Variants in NEBL observed in about 807,000 individuals in gnomAD.
NEBL encodes the protein LIM and SH3 protein 2.
In NEBL, 122 loss-of-function variants were observed where a neutral mutation model predicts 140.2. The ratio of observed to expected loss-of-function variants is 0.87; its 90% confidence interval spans 0.75 to 1.01. The LOEUF is 1.01. Among genes scored for constraint, NEBL ranks in the 50% least tolerant of loss-of-function variants. NEBL has a pLI of 0.00. For synonymous variants in NEBL, 436 were observed against 398.9 expected (o/e 1.09, Z -1.11); for missense variants, 1,365 against 1,231.3 (o/e 1.11, Z -1.62).
At chr10:20,880,163 C>T (rs788953) in intron 5 of NEBL, among the ~76,000 whole-genome samples, 33,597 of 152,020 alleles carry the variant, frequency 0.22, 4,137 homozygotes, top group East Asian at 0.41. Context: ...GAGCTCAAGA[C>T]CAGCCTGGCC....
At chr10:20,973,540 G>T (rs78106113) in intron 3 of NEBL, among the ~76,000 whole-genome samples, 1 of 152,188 alleles carries the variant, frequency 6.6e-6, no homozygotes, top group East Asian at 1.9e-4. Flanking sequence ...ATAAGCCATC[G>T]CTCCCAGACT....
intron 2 of NEBL, among the ~76,000 whole-genome samples, chr10:21,105,963 C>G (rs945439247): frequency 1.3e-5 from 2 of 152,054 alleles, no homozygotes; most frequent in African/African-American, 4.8e-5. Context: ...TTTCATGTGT[C>G]TGTTGGCTGC....
intron 7 of NEBL, among the ~76,000 whole-genome samples, chr10:20,866,556 T>C (rs1844313112): frequency 6.6e-6 from 1 of 152,202 alleles, no homozygotes; most frequent in Non-Finnish European, 1.5e-5. Context: ...AACTATATCC[T>C]CTTGCCCAGA....
chr10:21,281,247 G>T (rs1842988371), intron 1 of NEBL, among the ~76,000 whole-genome samples: 1 of 152,174 alleles, frequency 6.6e-6, no homozygotes, highest in Non-Finnish European at 1.5e-5. Flanking sequence ...TCTAATTAGT[G>T]TAAATATAGT....
intron 1 of NEBL, among the ~76,000 whole-genome samples, chr10:21,252,484 G>A (rs1000259182): frequency 1.3e-5 from 2 of 152,178 alleles, no homozygotes; most frequent in Non-Finnish European, 2.9e-5. Flanking sequence ...AGGTGAATTA[G>A]TTTTGGATCT....
intron 3 of NEBL, among the ~76,000 whole-genome samples, chr10:21,212,548 G>C (rs543412163): frequency 2.6e-5 from 4 of 152,204 alleles, no homozygotes; most frequent in African/African-American, 7.2e-5. Flanking sequence ...CCCATTTTCT[G>C]TTAAGGAAGT....
At chr10:20,814,389 G>T (rs1431384430) in intron 22 of NEBL, among the ~76,000 whole-genome samples, 2 of 151,652 alleles carry the variant, frequency 1.3e-5, no homozygotes, top group African/African-American at 4.9e-5. Context: ...TGAGGCCTGG[G>T]ATTTGAGACT....
chr10:21,214,464 G>A (rs957803521), intron 3 of NEBL, among the ~76,000 whole-genome samples: 1 of 151,012 alleles, frequency 6.6e-6, no homozygotes, highest in Non-Finnish European at 1.5e-5. Flanking sequence ...GCACACACAT[G>A]GCACACACAT....
chr10:20,818,887 C>A, intron 20 of NEBL: 5 of 986,594 alleles, frequency 5.1e-6, no homozygotes, highest in Non-Finnish European at 4.8e-6. Context: ...GGGTGTAAAA[C>A]TTTTCCTTTT....
exon 1 of NEBL, chr10:21,174,156 G>A (rs925499616): frequency 9.0e-5 from 47 of 520,992 alleles, no homozygotes; most frequent in Non-Finnish European, 8.8e-5. Flanking sequence ...GCGCTCACTC[G>A]CTCCCCCGCC....
In NEBL at chr10:21,214,751, G is replaced by T. The variant is rs571129366; in HGVS notation, n.348+33170C>A. Among the ~76,000 whole-genome samples the T allele has an allele frequency of 4.1e-3, 621 of 152,286 alleles. 4 individuals carry two copies. The highest frequency in any genetic ancestry group is 0.01 in the Middle Eastern group (3 of 294). On this transcript the variant is annotated intron_variant and non_coding_transcript_variant, in intron 3 of 8. Transcript: ENST00000675702. Reference sequence around the variant, plus strand: ...AGAAAAGTCAGAAAATATATAGTATGTAAAAAGGGAAAAAATGGAAATCAC... The same window carrying T: ...AGAAAAGTCAGAAAATATATAGTATTTAAAAAGGGAAAAAATGGAAATCAC...
intron 7 of NEBL, among the ~76,000 whole-genome samples, chr10:20,861,821 G>A (rs1339785471): frequency 6.6e-6 from 1 of 152,098 alleles, no homozygotes; most frequent in African/African-American, 2.4e-5. Flanking sequence ...CCAAGTAAAT[G>A]TTACAGACAC....
intron 2 of NEBL, among the ~76,000 whole-genome samples, chr10:21,076,474 A>C (rs1349839693): frequency 7.5e-6 from 1 of 133,278 alleles, no homozygotes; most frequent in Non-Finnish European, 1.6e-5. Context: ...AAAAAAAAAA[A>C]GAATTACCAC....
chr10:20,813,909 T>A, intron 23 of NEBL, 30 bp downstream of exon 23: 1 of 1,372,134 alleles, frequency 7.3e-7, no homozygotes, highest in Non-Finnish European at 1.0e-6. Flanking sequence ...TTCCTTAGCA[T>A]GTTTTAAGAA....
At chr10:21,210,097 G>GA (rs1461367649) in intron 3 of NEBL, among the ~76,000 whole-genome samples, 1 of 152,046 alleles carries the variant, frequency 6.6e-6, no homozygotes, top group Non-Finnish European at 1.5e-5. Context: ...TTCCTTGTAG[G>GA]AAAAACATCA....
intron 3 of NEBL, among the ~76,000 whole-genome samples, chr10:21,002,226 T>C (rs1188150556): frequency 2.0e-5 from 3 of 151,950 alleles, no homozygotes; most frequent in South Asian, 2.1e-4. Flanking sequence ...GTAATATTAC[T>C]AACATGAGTC....
intron 3 of NEBL, among the ~76,000 whole-genome samples, chr10:21,202,716 C>T (rs1841761064): frequency 6.6e-6 from 1 of 152,156 alleles, no homozygotes; most frequent in Admixed American, 6.5e-5. Flanking sequence ...CCGTCTCGGC[C>T]TCCCAAAGTG....
At chr10:20,819,114 C>A (rs1430874322) in intron 20 of NEBL, 3 of 975,114 alleles carry the variant, frequency 3.1e-6, no homozygotes, top group African/African-American at 3.3e-5. Context: ...GTTTGTTACA[C>A]AGGTGAACTT....
At chr10:20,798,481 G>A (rs568945686) in intron 26 of NEBL, among the ~76,000 whole-genome samples, 4 of 152,126 alleles carry the variant, frequency 2.6e-5, no homozygotes, top group Non-Finnish European at 5.9e-5. Context: ...ATGCATATCT[G>A]TTCAGTCTAT....
Sources: allele counts gnomAD v4.1 joint callset (sites outside exome capture counted in the v4.1 genomes callset), GRCh38; gene constraint gnomAD v4.1.1; transcripts MANE v1.5; gene names NCBI Gene and HGNC (gene_info 2026-07-23, HGNC 2026-07-21).